Variants in DRC8 observed in about 807,000 individuals in gnomAD.
DRC8 encodes dynein regulatory complex protein 8.
At chr1:245,087,624 A>G in the DRC8 span, 41 of 1,072,566 alleles carry the variant, frequency 3.8e-5, no homozygotes, top group Non-Finnish European at 4.6e-5. Flanking sequence ...TTTATTTTCT[A>G]CAATAAAACT....
the DRC8 span, among the ~76,000 whole-genome samples, chr1:245,004,081 T>TTTTG: frequency 2.6e-5 from 4 of 152,078 alleles, no homozygotes; most frequent in East Asian, 7.8e-4. Context: ...GGATTGATTT[T>TTTTG]TTTGTTTGTT....
chr1:245,021,989 G>A, the DRC8 span, among the ~76,000 whole-genome samples: 25 of 151,812 alleles, frequency 1.6e-4, no homozygotes, highest in South Asian at 6.2e-4. Context: ...ACTTATTTCC[G>A]TATGTTCCAT....
the DRC8 span, among the ~76,000 whole-genome samples, chr1:244,988,153 T>G: frequency 1.3e-5 from 2 of 152,198 alleles, no homozygotes; most frequent in Non-Finnish European, 2.9e-5. Context: ...ATACCCAATA[T>G]GGAATTAAAG....
the DRC8 span, chr1:244,970,288 G>T: frequency 8.9e-6 from 6 of 672,974 alleles, no homozygotes; most frequent in Non-Finnish European, 1.6e-5. Context: ...CCCCGCCCAA[G>T]GGTCTTCCTC....
the DRC8 span, among the ~76,000 whole-genome samples, chr1:245,120,489 A>G: frequency 6.6e-6 from 1 of 152,058 alleles, no homozygotes; most frequent in African/African-American, 2.4e-5. Context: ...TATTATTTGT[A>G]TTTTTTTCCT....
At chr1:245,050,006 G>A in the DRC8 span, among the ~76,000 whole-genome samples, 4 of 152,316 alleles carry the variant, frequency 2.6e-5, no homozygotes, top group Non-Finnish European at 2.9e-5. Context: ...AGTCTGGCAC[G>A]CGTAATAAGT....
the DRC8 span, among the ~76,000 whole-genome samples, chr1:245,029,487 G>A: frequency 6.6e-6 from 1 of 152,044 alleles, no homozygotes; most frequent in Non-Finnish European, 1.5e-5. Context: ...TAGTAGAGAA[G>A]GGGTTTCACT....
the DRC8 span, among the ~76,000 whole-genome samples, chr1:245,070,060 C>A: frequency 6.6e-6 from 1 of 152,004 alleles, no homozygotes; most frequent in Admixed American, 6.6e-5. Flanking sequence ...AAAAAATAAA[C>A]CAATAAAGTA....
At chr1:245,009,082 C>G in the DRC8 span, among the ~76,000 whole-genome samples, 1 of 118,474 alleles carries the variant, frequency 8.4e-6, no homozygotes, top group Non-Finnish European at 1.6e-5. Context: ...GTCACCCGGG[C>G]TGGAGTGCAG....
the DRC8 span, among the ~76,000 whole-genome samples, chr1:245,061,603 CA>C: frequency 1.3e-5 from 2 of 151,816 alleles, no homozygotes; most frequent in African/African-American, 4.8e-5. Flanking sequence ...GGGAAAAAAG[CA>C]CATAAAAAAA....
At chr1:245,104,399 G>T in the DRC8 span, among the ~76,000 whole-genome samples, 30 of 152,154 alleles carry the variant, frequency 2.0e-4, no homozygotes, top group South Asian at 6.0e-3. Context: ...AGCTACTCGG[G>T]CAGCTGAGGC....
chr1:245,060,072 A>G, the DRC8 span, among the ~76,000 whole-genome samples: 2 of 152,242 alleles, frequency 1.3e-5, no homozygotes, highest in East Asian at 3.8e-4. Flanking sequence ...CTACCTGGCC[A>G]GGAGAAGAAT....
the DRC8 span, among the ~76,000 whole-genome samples, chr1:245,076,858 C>T: frequency 1.3e-5 from 2 of 152,250 alleles, no homozygotes; most frequent in Non-Finnish European, 2.9e-5. Context: ...TCCCGAGTAG[C>T]TGGGACTACA....
chr1:245,116,579 C>T, the DRC8 span, among the ~76,000 whole-genome samples: 1 of 152,158 alleles, frequency 6.6e-6, no homozygotes, highest in African/African-American at 2.4e-5. Flanking sequence ...GAACAAGAAA[C>T]TCTCCAGGGC....
the DRC8 span, among the ~76,000 whole-genome samples, chr1:245,078,384 G>A: frequency 3.7e-4 from 56 of 152,088 alleles, no homozygotes; most frequent in Non-Finnish European, 6.5e-4. Flanking sequence ...GTATTGCCAT[G>A]TTTATTGCAG....
At chr1:244,993,528 C>A in the DRC8 span, among the ~76,000 whole-genome samples, 6 of 152,192 alleles carry the variant, frequency 3.9e-5, no homozygotes, top group Non-Finnish European at 8.8e-5. Flanking sequence ...TGCCCCTTAC[C>A]ACTCAACATA....
At chr1:245,032,620 TG>T in the DRC8 span, among the ~76,000 whole-genome samples, 1 of 152,186 alleles carries the variant, frequency 6.6e-6, no homozygotes, top group Non-Finnish European at 1.5e-5. Context: ...GATGACAAAA[TG>T]TATTTATTAT....
At chr1:245,044,248 G>C in the DRC8 span, among the ~76,000 whole-genome samples, 1 of 152,120 alleles carries the variant, frequency 6.6e-6, no homozygotes, top group Non-Finnish European at 1.5e-5. Flanking sequence ...GTGATTTCAT[G>C]TTTGTAATTG....
the DRC8 span, among the ~76,000 whole-genome samples, chr1:245,011,420 A>C: frequency 6.6e-6 from 1 of 152,264 alleles, no homozygotes; most frequent in African/African-American, 2.4e-5. Flanking sequence ...GTAATGAAGC[A>C]GCACAGTGGC....
Sources: gnomAD v4.1 joint callset for allele counts (sites outside exome capture counted in the v4.1 genomes callset) on GRCh38, gnomAD v4.1.1 for gene constraint, MANE v1.5 for transcripts, NCBI Gene and HGNC (gene_info 2026-07-23, HGNC 2026-07-21) for gene names.